Variants in PGCKA1 observed in about 807,000 individuals in gnomAD.
The protein encoded by PGCKA1 is PDCD10 and GCKIII kinases-associated protein 1.
chr4:37,483,076 C>T, the PGCKA1 span, among the ~76,000 whole-genome samples: 1 of 152,088 alleles, frequency 6.6e-6, no homozygotes, highest in Non-Finnish European at 1.5e-5. Flanking sequence ...ATAATTGAAT[C>T]ATGGGGGCAG....
chr4:37,483,015 G>A, the PGCKA1 span, among the ~76,000 whole-genome samples: 4 of 152,276 alleles, frequency 2.6e-5, no homozygotes, highest in East Asian at 3.9e-4. Flanking sequence ...ATCTCATCCC[G>A]AATTGTAGTT....
chr4:37,489,360 T>G, the PGCKA1 span, among the ~76,000 whole-genome samples: 1 of 152,176 alleles, frequency 6.6e-6, no homozygotes, highest in African/African-American at 2.4e-5. Flanking sequence ...GAGAAAGATT[T>G]GCTCTATATC....
the PGCKA1 span, among the ~76,000 whole-genome samples, chr4:37,472,184 A>G: frequency 6.6e-6 from 1 of 152,226 alleles, no homozygotes; most frequent in African/African-American, 2.4e-5. Context: ...GAGCGACTTC[A>G]GCCTCCTGCC....
the PGCKA1 span, among the ~76,000 whole-genome samples, chr4:37,555,236 T>C: frequency 1.3e-5 from 2 of 152,208 alleles, no homozygotes; most frequent in African/African-American, 2.4e-5. Context: ...TCCCCTTTCA[T>C]ACTCTCAGTG....
the PGCKA1 span, among the ~76,000 whole-genome samples, chr4:37,500,077 C>A: frequency 0.11 from 17,221 of 151,894 alleles, 1,192 homozygotes; most frequent in South Asian, 0.24. Flanking sequence ...CGCCCGCCAC[C>A]ATGCCCGGCT....
chr4:37,471,870 G>A, the PGCKA1 span, among the ~76,000 whole-genome samples: 1 of 152,148 alleles, frequency 6.6e-6, no homozygotes, highest in African/African-American at 2.4e-5. Flanking sequence ...AAGAAACCTG[G>A]TTTCTAGCTT....
At chr4:37,550,087 C>T in the PGCKA1 span, among the ~76,000 whole-genome samples, 1 of 152,082 alleles carries the variant, frequency 6.6e-6, no homozygotes, top group Non-Finnish European at 1.5e-5. Flanking sequence ...CCAAAAGGAA[C>T]CTGTTTGTAT....
the PGCKA1 span, among the ~76,000 whole-genome samples, chr4:37,490,865 C>A: frequency 6.6e-6 from 1 of 151,922 alleles, no homozygotes; most frequent in East Asian, 1.9e-4. Flanking sequence ...CAAAGAAATA[C>A]AATAAACAAA....
At chr4:37,460,665 A>C in the PGCKA1 span, 6 of 420,194 alleles carry the variant, frequency 1.4e-5, no homozygotes, top group Non-Finnish European at 2.8e-5. Flanking sequence ...TCCTTTACCC[A>C]CTTTTTGATG....
chr4:37,505,531 C>T, the PGCKA1 span, among the ~76,000 whole-genome samples: 2 of 152,148 alleles, frequency 1.3e-5, no homozygotes, highest in African/African-American at 4.8e-5. Context: ...CAGGTTTAAT[C>T]AGGCTTACAG....
At chr4:37,559,394 T>A in the PGCKA1 span, among the ~76,000 whole-genome samples, 1 of 126,004 alleles carries the variant, frequency 7.9e-6, no homozygotes, top group African/African-American at 3.2e-5. Context: ...AATTGAACAA[T>A]GAGAACACAT....
chr4:37,460,351 C>A, the PGCKA1 span: 1 of 258,040 alleles, frequency 3.9e-6, no homozygotes, highest in Non-Finnish European at 7.7e-6. Context: ...GGGTATATAC[C>A]CAATAATGAG....
At chr4:37,531,445 G>A in the PGCKA1 span, among the ~76,000 whole-genome samples, 1 of 152,110 alleles carries the variant, frequency 6.6e-6, no homozygotes, top group Non-Finnish European at 1.5e-5. Flanking sequence ...AAATTGTCTG[G>A]GAAATGCATT....
the PGCKA1 span, among the ~76,000 whole-genome samples, chr4:37,530,660 C>A: frequency 2.6e-5 from 4 of 151,316 alleles, no homozygotes; most frequent in Admixed American, 1.3e-4. Context: ...CTCAAACCCA[C>A]TCATCTGTCA....
chr4:37,545,047 G>T, the PGCKA1 span, among the ~76,000 whole-genome samples: 1 of 151,864 alleles, frequency 6.6e-6, no homozygotes. Flanking sequence ...GTAGAGATGG[G>T]GTTTCTCCAT....
chr4:37,581,467 C>A, the PGCKA1 span, among the ~76,000 whole-genome samples: 64 of 152,276 alleles, frequency 4.2e-4, no homozygotes, highest in South Asian at 1.2e-3. The surrounding 1 kb of genome is among the most constrained non-coding windows in gnomAD (Gnocchi z 4.4). Context: ...ATGGGTCTTG[C>A]CAGGACTTGG....
the PGCKA1 span, among the ~76,000 whole-genome samples, chr4:37,536,789 A>C: frequency 2.6e-5 from 4 of 152,226 alleles, no homozygotes; most frequent in East Asian, 7.7e-4. Flanking sequence ...GTTCCAATAG[A>C]CATGTATTTG....
the PGCKA1 span, among the ~76,000 whole-genome samples, chr4:37,571,425 C>T: frequency 7.2e-6 from 1 of 138,194 alleles, no homozygotes; most frequent in African/African-American, 2.7e-5. Flanking sequence ...TGCAGTGGCA[C>T]GATCTTGGCT....
the PGCKA1 span, among the ~76,000 whole-genome samples, chr4:37,454,780 T>C: frequency 6.6e-6 from 1 of 152,234 alleles, no homozygotes; most frequent in Non-Finnish European, 1.5e-5. Context: ...TTTCCGGTGA[T>C]AAAAGGCAAG....
Sources: allele counts gnomAD v4.1 joint callset (sites outside exome capture counted in the v4.1 genomes callset), GRCh38; gene constraint gnomAD v4.1.1; non-coding constraint Gnocchi (gnomAD v3.1); transcripts MANE v1.5; gene names NCBI Gene and HGNC (gene_info 2026-07-23, HGNC 2026-07-21).